UNC5D: variants seen among roughly 807,000 people sequenced by gnomAD.
UNC5D encodes the protein unc-5 netrin receptor D.
In UNC5D, 39 loss-of-function variants were observed where a neutral mutation model predicts 105.4. The ratio of observed to expected loss-of-function variants is 0.37; its 90% CI spans 0.29 to 0.48. The LOEUF is 0.48. Ranked by LOEUF, UNC5D falls within the 20% of genes least tolerant of loss-of-function variation. UNC5D has a pLI of 0.98. For missense variants in UNC5D, 991 were observed against 1,202.4 expected (o/e 0.82, Z 2.60); for synonymous variants, 452 against 450.4 (o/e 1.00, Z -0.04).
chr8:35,559,742 T>C (rs1816823182), intron 2 of UNC5D, among the ~76,000 whole-genome samples: 2 of 152,354 alleles, frequency 1.3e-5, no homozygotes, highest in African/African-American at 4.8e-5. Flanking sequence ...TCTCCATTTC[T>C]TCCCTCCTCT....
chr8:35,514,646 C>T (rs1172519716), intron 1 of UNC5D, among the ~76,000 whole-genome samples: 1 of 152,152 alleles, frequency 6.6e-6, no homozygotes, highest in African/African-American at 2.4e-5. Flanking sequence ...TAGCATTTCT[C>T]TGGCTTTTTG....
intron 1 of UNC5D, among the ~76,000 whole-genome samples, chr8:35,252,513 T>C (rs1466468550): frequency 6.6e-6 from 1 of 152,202 alleles, no homozygotes; most frequent in Non-Finnish European, 1.5e-5. Flanking sequence ...AATTTTATTG[T>C]GGTCTACATA....
At chr8:35,492,549 A>T (rs1811280487) in intron 1 of UNC5D, among the ~76,000 whole-genome samples, 2 of 152,080 alleles carry the variant, frequency 1.3e-5, no homozygotes, top group South Asian at 4.1e-4. Flanking sequence ...TGAAAGAGGA[A>T]GTCTGCTATT....
chr8:35,461,604 T>C lies in UNC5D; in HGVS notation c.104-87688T>C, dbSNP rs1189942097. Among the ~76,000 whole-genome samples the C allele has an allele frequency of 2.0e-5, 3 of 152,176 alleles. No homozygotes were observed. In the East Asian group the frequency reaches 5.8e-4, roughly 29 times the overall value. On this transcript the variant is annotated intron_variant, in intron 1 of 16. Transcript: ENST00000404895. ...TTTGAATATTGTTCATACATACCTT[T>C]TAGCATTGTAGGAGGGAACAATAAC...
intron 7 of UNC5D, among the ~76,000 whole-genome samples, chr8:35,687,998 G>A (rs1173223948): frequency 6.6e-6 from 1 of 151,998 alleles, no homozygotes; most frequent in Non-Finnish European, 1.5e-5. Flanking sequence ...TGGGCGTGGT[G>A]GCAGGCACCT....
intron 1 of UNC5D, among the ~76,000 whole-genome samples, chr8:35,337,918 G>T (rs1021991970): frequency 6.6e-6 from 1 of 152,184 alleles, no homozygotes; most frequent in Non-Finnish European, 1.5e-5. Context: ...AAATTGATTG[G>T]CATACAGTAA....
chr8:35,274,251 C>T (rs763474230), intron 1 of UNC5D, among the ~76,000 whole-genome samples: 1 of 152,144 alleles, frequency 6.6e-6, no homozygotes, highest in Non-Finnish European at 1.5e-5. Flanking sequence ...TGCAAAAGGA[C>T]TGCCAGGGTG....
At chr8:35,596,977 A>G (rs879126871) in intron 4 of UNC5D, among the ~76,000 whole-genome samples, 8 of 152,136 alleles carry the variant, frequency 5.3e-5, no homozygotes, top group African/African-American at 1.9e-4. Context: ...TGACTCTTCT[A>G]TGGGAAGCTA....
At chr8:35,452,901 G>A (rs1431866346) in intron 1 of UNC5D, among the ~76,000 whole-genome samples, 1 of 152,120 alleles carries the variant, frequency 6.6e-6, no homozygotes, top group Non-Finnish European at 1.5e-5. Context: ...AGCTTCAGGA[G>A]GCATTAGTTT....
Position 35,675,048 on chromosome 8 carries a change from GA to G in UNC5D, c.571-8492del, listed in dbSNP as rs904688378. ...CCCAAGACGTTTTTTACTATAGTGTGAAAAAAATATTTATTACTCTAATATA... is the reference window on the plus strand; with the variant it reads ...CCCAAGACGTTTTTTACTATAGTGTGAAAAAATATTTATTACTCTAATATA... On this transcript the variant is annotated intron_variant, in intron 4 of 16. Coordinates refer to ENST00000404895, the MANE Select transcript of UNC5D (RefSeq NM_080872.4). Among the ~76,000 whole-genome samples the G allele has an allele frequency of 2.2e-4, 34 of 151,960 alleles. 1 individual carries two copies. Among genetic ancestry groups the G allele is most frequent in the Non-Finnish European group, 2.9e-5 (2 of 68,004 alleles).
chr8:35,386,191 A>T (rs1209233253), intron 1 of UNC5D, among the ~76,000 whole-genome samples: 4 of 151,950 alleles, frequency 2.6e-5, no homozygotes, highest in African/African-American at 9.7e-5. Context: ...AGTATTCATA[A>T]AGTCTCCTGT....
chr8:35,526,933 A>G (rs1368585569), intron 1 of UNC5D, among the ~76,000 whole-genome samples: 10 of 152,174 alleles, frequency 6.6e-5, no homozygotes, highest in Non-Finnish European at 2.9e-5. Flanking sequence ...GAATGTGTAA[A>G]TGACTGTTTG....
intron 1 of UNC5D, among the ~76,000 whole-genome samples, chr8:35,269,858 A>G (rs1454691528): frequency 6.6e-6 from 1 of 152,132 alleles, no homozygotes; most frequent in Non-Finnish European, 1.5e-5. Context: ...TGGAGATTCA[A>G]ACTCAGGTCT....
At chr8:35,769,125 T>G (rs1801899440) in intron 15 of UNC5D, among the ~76,000 whole-genome samples, 2 of 152,218 alleles carry the variant, frequency 1.3e-5, no homozygotes, top group African/African-American at 2.4e-5. Context: ...TTCGTATTTG[T>G]CATAAAGCCA....
chr8:35,286,460 G>A (rs1806604668), intron 1 of UNC5D, among the ~76,000 whole-genome samples: 1 of 152,164 alleles, frequency 6.6e-6, no homozygotes. Flanking sequence ...TGATTATGGA[G>A]GGAGCATCTG....
chr8:35,319,176 A>C (rs1028021742), intron 1 of UNC5D, among the ~76,000 whole-genome samples: 17 of 152,060 alleles, frequency 1.1e-4, no homozygotes, highest in Non-Finnish European at 2.2e-4. Context: ...CCTTTGTATG[A>C]GTTATAAAAC....
intron 4 of UNC5D, among the ~76,000 whole-genome samples, chr8:35,620,136 G>A (rs1008451228): frequency 1.3e-5 from 2 of 152,150 alleles, no homozygotes; most frequent in African/African-American, 2.4e-5. Context: ...TATTCAACAT[G>A]GACTTCCAGA....
chr8:35,364,045 G>A (rs534920487), intron 1 of UNC5D, among the ~76,000 whole-genome samples: 5 of 151,936 alleles, frequency 3.3e-5, no homozygotes, highest in East Asian at 1.9e-4. Flanking sequence ...TTAGACAGGC[G>A]TCTCAGGCCT....
chr8:35,313,035 T>C (rs558152236), intron 1 of UNC5D, among the ~76,000 whole-genome samples: 1 of 152,262 alleles, frequency 6.6e-6, no homozygotes, highest in African/African-American at 2.4e-5. Flanking sequence ...AACAAGTTGT[T>C]TGAAAAGACC....
Sources: gnomAD v4.1 joint callset for allele counts (sites outside exome capture counted in the v4.1 genomes callset) on GRCh38, gnomAD v4.1.1 for gene constraint, MANE v1.5 for transcripts, NCBI Gene and HGNC (gene_info 2026-07-23, HGNC 2026-07-21) for gene names.